The following RPF2 variants were observed in gnomAD, a reference collection of about 807,000 sequenced individuals.
The protein encoded by RPF2 is ribosome production factor 2 homolog.
A neutral mutation model predicts 38.9 loss-of-function variants in RPF2; 21 were observed. The ratio of observed to expected loss-of-function variants is 0.54; its 90% CI spans 0.38 to 0.78. The LOEUF (loss-of-function observed/expected upper bound fraction) is 0.78, where lower values mean the gene tolerates loss of function less well. Among genes scored for constraint, RPF2 ranks in the 30% least tolerant of loss-of-function variants. The pLI is 0.00. For missense variants in RPF2, 314 were observed against 358.1 expected (o/e 0.88, Z 0.99); for synonymous variants, 121 against 126.2 (o/e 0.96, Z 0.28).
chr6:111,010,054 T>C (rs1357811086), intron 7 of RPF2, among the ~76,000 whole-genome samples: 3 of 152,204 alleles, frequency 2.0e-5, no homozygotes, highest in African/African-American at 7.2e-5. Flanking sequence ...GAAAGTAATT[T>C]AATTTTCCAA....
Position 110,982,110 on chromosome 6 carries a change from G to T in RPF2, c.4G>T (p.Asp2Tyr). The T allele has an allele frequency of 6.2e-7, 1 of 1,614,232 alleles. No homozygotes were observed. The highest frequency in any genetic ancestry group is 8.5e-7 in the Non-Finnish European group (1 of 1,180,034). Residue 2 changes from aspartate to tyrosine, a missense_variant, in exon 1 of 10, where the codon GAC (aspartate) becomes TAC (tyrosine). Physicochemically the swap from Asp to Tyr is radical, Grantham distance 160 (BLOSUM62 -3). Transcript: ENST00000441448. The part of the protein sequence containing the change: M[D>Y]TLDRVVKPKT... ...AGAGTTGCAGGTAGCGGTAGCGATG[G>T]ACACTCTGGATCGAGTAGTGTAAGT... is the stretch of plus-strand genomic sequence containing the variant.
intron 3 of RPF2, among the ~76,000 whole-genome samples, chr6:110,990,848 C>T (rs1418885949): frequency 6.6e-6 from 1 of 152,226 alleles, no homozygotes; most frequent in Non-Finnish European, 1.5e-5. Context: ...GCTGGGATTA[C>T]AGGCGTGAGC....
intron 8 of RPF2, among the ~76,000 whole-genome samples, chr6:111,022,782 C>T (rs1380242634): frequency 6.6e-6 from 1 of 152,166 alleles, no homozygotes; most frequent in Non-Finnish European, 1.5e-5. Flanking sequence ...TTGAATCTAT[C>T]GGATATGCCA....
In RPF2 at chr6:111,027,553, C is replaced by T. The variant is rs867583612; in HGVS notation, c.*1971C>T. ...CTCCTCACCAGCCGCTTACGGGACCCTGCCATGCCTGGACCCCTCTATCAG... is the reference window on the plus strand; with the variant it reads ...CTCCTCACCAGCCGCTTACGGGACCTTGCCATGCCTGGACCCCTCTATCAG... On this transcript the variant is annotated 3_prime_UTR_variant, in exon 10 of 10. Transcript: ENST00000441448. 4.1e-4 allele frequency: 62 copies of T among 152,336 alleles called. No individual in the cohort carries two copies. Among genetic ancestry groups the T allele is most frequent in the African/African-American group, 1.5e-3 (62 of 41,556 alleles). 9.4% of individuals were successfully genotyped at this position (152,336 alleles called of 1,614,324 possible). A position where few individuals can be genotyped will look rare whatever the true frequency, so the allele number is the denominator to read the frequency against.
chr6:110,990,480 C>A (rs1192587627), intron 3 of RPF2, among the ~76,000 whole-genome samples: 1 of 149,994 alleles, frequency 6.7e-6, no homozygotes, highest in African/African-American at 2.5e-5. Flanking sequence ...AAATGTTGTG[C>A]TTTCCTCATA....
At position 110,991,763 on chromosome 6, in the gene RPF2, C is replaced by A; in HGVS notation, c.211C>A (p.Pro71Thr). The A allele has an allele frequency of 8.1e-7, 1 of 1,230,310 alleles. No homozygotes were observed. The highest frequency in any genetic ancestry group is 1.1e-6 in the Non-Finnish European group (1 of 880,990). 76.2% of individuals were successfully genotyped at this position (1,230,310 alleles called of 1,614,324 possible). Residue 71 changes from proline (P) to threonine (T), a missense_variant, in exon 4 of 10, where the codon CCT becomes ACT. Transcript: ENST00000441448. The part of the protein sequence containing the change: ...VLYKKKNITR[P>T]FEDQTSLEFF... ...TATTCTTAGGAAAAATATTACAAGA[C>A]CTTTTGAGGATCAGACATCACTGGT...
chr6:111,007,475 G>T (rs548360986), intron 6 of RPF2, among the ~76,000 whole-genome samples: 2 of 151,764 alleles, frequency 1.3e-5, no homozygotes, highest in African/African-American at 4.8e-5. Flanking sequence ...CTACTTGCAG[G>T]ATGCCTTGAG....
chr6:111,003,906 G>A (rs1279872663), intron 6 of RPF2, among the ~76,000 whole-genome samples: 2 of 151,676 alleles, frequency 1.3e-5, no homozygotes, highest in Non-Finnish European at 2.9e-5. Context: ...TCTGCCTCCC[G>A]GGTTCAGGAG....
chr6:110,996,290 T>G (rs77042305), intron 4 of RPF2, among the ~76,000 whole-genome samples: 2 of 152,070 alleles, frequency 1.3e-5, no homozygotes, highest in African/African-American at 2.4e-5. Flanking sequence ...GGAATTCTCC[T>G]GTCTAAGCCT....
At position 110,982,259 on chromosome 6, in the gene RPF2, C is replaced by A. The variant is rs554025775; in HGVS notation, c.23+130C>A. ...TACCTGGGTGGGGGCCGATCGATCACCAGCCCGGGTCCTCCTCAGCGCGAG... is the reference window on the plus strand; with the variant it reads ...TACCTGGGTGGGGGCCGATCGATCAACAGCCCGGGTCCTCCTCAGCGCGAG... On this transcript the variant is annotated intron_variant, in intron 1 of 9. Coordinates refer to ENST00000441448, the MANE Select transcript of RPF2 (RefSeq NM_032194.3). The A allele has an allele frequency of 3.3e-5, 34 of 1,040,868 alleles. 1 individual carries two copies. The South Asian group carries it at 4.2e-4, about 13-fold the overall frequency. 64.5% of individuals were successfully genotyped at this position (1,040,868 alleles called of 1,614,324 possible).
chr6:111,005,531 T>A (rs1283963847), intron 6 of RPF2, among the ~76,000 whole-genome samples: 1 of 152,222 alleles, frequency 6.6e-6, no homozygotes, highest in Non-Finnish European at 1.5e-5. Flanking sequence ...AGTTTCAACA[T>A]TGCTGATGAG....
chr6:111,018,710 A>T (rs2114350018), intron 8 of RPF2, among the ~76,000 whole-genome samples: 1 of 152,352 alleles, frequency 6.6e-6, no homozygotes, highest in East Asian at 1.9e-4. Flanking sequence ...CACTAAAAAT[A>T]AATGAGGCAA....
At chr6:111,003,457 A>AT (rs1452394732) in intron 6 of RPF2, among the ~76,000 whole-genome samples, 2 of 151,550 alleles carry the variant, frequency 1.3e-5, no homozygotes, top group South Asian at 2.1e-4. Context: ...TGCCCAGCTA[A>AT]TTTTTTTGTA....
chr6:110,998,691 G>A (rs1425170317), intron 5 of RPF2, among the ~76,000 whole-genome samples: 2 of 152,068 alleles, frequency 1.3e-5, no homozygotes, highest in Non-Finnish European at 2.9e-5. Context: ...CCACTCACCC[G>A]ACCCCAACCA....
chr6:111,027,142 C>T lies in RPF2; in HGVS notation c.*1560C>T, dbSNP rs1311551945. ...GTAAGCTTGCTCAGCTACAGATCAA[C>T]AATGCTGGCACTAAGCAAAAGTTCG... On this transcript the variant is annotated 3_prime_UTR_variant, in exon 10 of 10. Transcript: ENST00000441448. 1.3e-5 allele frequency: 2 copies of T among 152,166 alleles called. No individual in the cohort carries two copies. Among genetic ancestry groups the T allele is most frequent in the African/African-American group, 2.4e-5 (1 of 41,422 alleles). 9.4% of individuals were successfully genotyped at this position (152,166 alleles called of 1,614,324 possible). A position where few individuals can be genotyped will look rare whatever the true frequency, so the allele number is the denominator to read the frequency against.
rs1439201910 is a variant in RPF2 at position 110,991,761 on chromosome 6, G to A, written c.209G>A (p.Arg70Lys). The A allele has an allele frequency of 4.1e-6, 5 of 1,226,740 alleles. No individual in the cohort carries two copies. The highest frequency in any genetic ancestry group is 5.7e-6 in the Non-Finnish European group (5 of 877,570). 76.0% of individuals were successfully genotyped at this position (1,226,740 alleles called of 1,614,324 possible). ...GVLYKKKNIT[R>K]PFEDQTSLEF... ...GATATTCTTAGGAAAAATATTACAA[G>A]ACCTTTTGAGGATCAGACATCACTG... is the stretch of plus-strand genomic sequence containing the variant. The change falls in exon 4 of 10, where the codon AGA (arginine) becomes AAA (lysine). Residue 70 changes from arginine (R) to lysine (K), a missense_variant. Arg to Lys is a conservative substitution (Grantham distance 26, BLOSUM62 2). Transcript: ENST00000441448.
At chr6:111,011,276 T>TTTTCTTTCTTTATTTC (rs1772007944) in intron 7 of RPF2, among the ~76,000 whole-genome samples, 1 of 133,578 alleles carries the variant, frequency 7.5e-6, no homozygotes, top group South Asian at 2.4e-4. Context: ...TCAAGGGTAT[T>TTTTCTTTCTTTATTTC]TTTCTTTCTT....
intron 6 of RPF2, 140 bp from the exon 7 acceptor site, chr6:111,007,898 G>T: frequency 1.0e-6 from 1 of 995,626 alleles, no homozygotes; most frequent in Non-Finnish European, 1.3e-6. Context: ...AGTGAGCTGA[G>T]ATTGTGCCAC....
chr6:110,992,223 TC>T (rs1236740264), intron 4 of RPF2, among the ~76,000 whole-genome samples: 2 of 151,956 alleles, frequency 1.3e-5, no homozygotes, highest in Admixed American at 1.3e-4. Context: ...GGCAGGATAG[TC>T]ACTTGACCCC....
Sources: allele counts gnomAD v4.1 joint callset (sites outside exome capture counted in the v4.1 genomes callset), GRCh38; gene constraint gnomAD v4.1.1; transcripts MANE v1.5; gene names NCBI Gene and HGNC (gene_info 2026-07-23, HGNC 2026-07-21).